Variants in PER2 observed in about 807,000 individuals in gnomAD.
The protein encoded by PER2 is period circadian regulator 2.
PER2 carries 66 observed loss-of-function variants against 121.0 expected under a neutral mutation model. The ratio of observed to expected loss-of-function variants is 0.55; its 90% CI spans 0.45 to 0.67. The LOEUF is 0.67. PER2 is among the 30% of genes least tolerant of loss of function. PER2 has a pLI of 0.00. For synonymous variants in PER2, 684 were observed against 659.9 expected (o/e 1.04, Z -0.56); for missense variants, 1,521 against 1,635.0 (o/e 0.93, Z 1.20).
chr2:238,274,535 T>A (rs181388339), intron 4 of PER2, among the ~76,000 whole-genome samples: 1 of 152,370 alleles, frequency 6.6e-6, no homozygotes, highest in Non-Finnish European at 1.5e-5. Flanking sequence ...AATGTCCATG[T>A]GGCAGAGCTT....
Position 238,252,792 on chromosome 2 carries a change from C to A in PER2, c.3111+120G>T. 6 of 886,746 alleles carry A rather than the reference C, an allele frequency of 6.8e-6. No individual in the cohort carries two copies. Among genetic ancestry groups the A allele is most frequent in the Non-Finnish European group, 9.4e-6 (5 of 529,534 alleles). 54.9% of individuals were successfully genotyped at this position (886,746 alleles called of 1,614,324 possible). On this transcript the variant is annotated intron_variant, in intron 19 of 22. Coordinates refer to ENST00000254657, the MANE Select transcript of PER2 (RefSeq NM_022817.3). The surrounding 1 kb of genome is among the most constrained non-coding windows in gnomAD (Gnocchi z 4.2). ...GCACACACATTCATGGCAAAACCTA[C>A]AGGGTTTGGTGGAAACCTCAATCGT...
chr2:238,258,998 G>A (rs1049739924), intron 14 of PER2, among the ~76,000 whole-genome samples: 11 of 152,148 alleles, frequency 7.2e-5, no homozygotes, highest in African/African-American at 2.7e-4. Flanking sequence ...GCTCCTCCTG[G>A]GCCAGGCCAG....
At chr2:238,289,726 G>C (rs868554932), upstream of PER2, 1 of 152,318 alleles carries the variant, frequency 6.6e-6, no homozygotes, top group African/African-American at 2.4e-5. Context: ...GGTGCAAGCC[G>C]TAGAGACGCA....
chr2:238,281,104 A>G (rs1046612703), intron 1 of PER2, among the ~76,000 whole-genome samples: 29 of 152,002 alleles, frequency 1.9e-4, no homozygotes, highest in African/African-American at 6.8e-4. Context: ...CCTGGGTTCA[A>G]GCAATTCTCC....
chr2:238,261,738 G>T lies in PER2; in HGVS notation c.1407C>A (p.Leu469=), dbSNP rs908339367. 6.4e-6 allele frequency: 10 copies of T among 1,553,386 alleles called. No homozygotes were observed. The highest frequency in any genetic ancestry group is 7.9e-6 in the Non-Finnish European group (9 of 1,145,986). The change falls in exon 12 of 23, where the codon CTC becomes CTA. Residue 469 remains leucine, a synonymous_variant. Transcript: ENST00000254657. Reference sequence around the variant, plus strand: ...CAGGCACCACACCCACCTGCAGCAGGAGCCGGTGGATCTGCTCTGTGAGCT... The same window carrying T: ...CAGGCACCACACCCACCTGCAGCAGTAGCCGGTGGATCTGCTCTGTGAGCT... ...IQELTEQIHR[L]LLQPVPHSGS...
At chr2:238,278,736 C>T (rs140409488) in intron 1 of PER2, among the ~76,000 whole-genome samples, 7 of 152,204 alleles carry the variant, frequency 4.6e-5, no homozygotes, top group South Asian at 2.1e-4. Context: ...CAGGGCTTGC[C>T]GGGTAAAGAG....
intron 1 of PER2, among the ~76,000 whole-genome samples, chr2:238,282,823 C>T (rs536258265): frequency 6.2e-4 from 95 of 152,350 alleles, no homozygotes; most frequent in African/African-American, 2.2e-3. Context: ...AATTGAGGGG[C>T]TGGGAGTGAC....
chr2:238,294,285 G>A (rs370905103), upstream of PER2, among the ~76,000 whole-genome samples: 37 of 152,230 alleles, frequency 2.4e-4, no homozygotes, highest in East Asian at 1.5e-3. Flanking sequence ...GGTTCTGCCA[G>A]CATTCCTGGG....
intron 22 of PER2, 41 bp downstream of exon 22, chr2:238,249,021 C>T (rs374764382): frequency 5.6e-5 from 90 of 1,601,662 alleles, no homozygotes; most frequent in Admixed American, 8.3e-5. Context: ...CATCACAGAG[C>T]CTTTTAGGGC....
At chr2:238,284,533 A>G (rs1696726387) in intron 1 of PER2, among the ~76,000 whole-genome samples, 1 of 152,128 alleles carries the variant, frequency 6.6e-6, no homozygotes, top group Non-Finnish European at 1.5e-5. Context: ...TTGTCATGGC[A>G]GCTGTCTCTG....
chr2:238,255,595 G>A, intron 18 of PER2, 62 bp downstream of exon 18: 2 of 1,531,446 alleles, frequency 1.3e-6, no homozygotes, highest in African/African-American at 1.4e-5. Flanking sequence ...AACCAGCACT[G>A]GACTCAGTAC....
At chr2:238,274,632 G>A (rs1253963293) in intron 4 of PER2, among the ~76,000 whole-genome samples, 1 of 152,234 alleles carries the variant, frequency 6.6e-6, no homozygotes, top group African/African-American at 2.4e-5. Flanking sequence ...CAACTGATCA[G>A]AACGAACTTT....
rs939339364 is a variant in PER2, at chr2:238,245,056, A to G, written c.*1319T>C. 3.3e-5 allele frequency: 5 copies of G among 150,436 alleles called. No homozygotes were observed. Among genetic ancestry groups the G allele is most frequent in the African/African-American group, 1.2e-4 (5 of 41,086 alleles). The allele number at this position is 150,436 out of a possible 1,614,324, so 9.3% of individuals were successfully genotyped here. ...GAAACTCCATCTAAAAAAAAAAAAA[A>G]AAAAAAAAAAAAAAGAAAACCCTGG... On this transcript the variant is annotated 3_prime_UTR_variant, in exon 23 of 23. Coordinates refer to ENST00000254657, the MANE Select transcript of PER2 (RefSeq NM_022817.3).
At chr2:238,294,049 C>G (rs944441577), upstream of PER2, among the ~76,000 whole-genome samples, 3 of 152,182 alleles carry the variant, frequency 2.0e-5, no homozygotes, top group Admixed American at 6.5e-5. Context: ...TGATCCCCCC[C>G]ACACCCAAGG....
At chr2:238,281,460 A>G (rs1696627913) in intron 1 of PER2, among the ~76,000 whole-genome samples, 1 of 152,238 alleles carries the variant, frequency 6.6e-6, no homozygotes, top group South Asian at 2.1e-4. Flanking sequence ...AAAGTCAGGA[A>G]CAAAATAAGC....
intron 1 of PER2, among the ~76,000 whole-genome samples, chr2:238,282,638 G>C (rs752248657): frequency 3.9e-5 from 6 of 152,250 alleles, no homozygotes; most frequent in Non-Finnish European, 8.8e-5. Flanking sequence ...GGCCTGCCCG[G>C]TGCCAGCAGT....
At chr2:238,260,703 G>C in intron 13 of PER2, 125 bp downstream of exon 13, 1 of 1,053,168 alleles carries the variant, frequency 9.5e-7, no homozygotes, top group Admixed American at 1.8e-5. Context: ...AGTTTAGAAA[G>C]GAAGCAGCAA....
intron 2 of PER2, 127 bp from the exon 3 acceptor site, chr2:238,277,320 G>C: frequency 2.6e-6 from 2 of 767,374 alleles, no homozygotes; most frequent in Non-Finnish European, 4.7e-6. Context: ...AAAAATACAA[G>C]GTTAAGATAA....
In PER2 at chr2:238,271,446, G is replaced by A. The variant is rs1474116870; in HGVS notation, c.638C>T (p.Ser213Phe). 1.9e-6 allele frequency: 3 copies of A among 1,614,022 alleles called. No homozygotes were observed. The South Asian group carries it at 3.3e-5, about 18-fold the overall frequency. ...KILYISDQVASIFHCKRDAFS... is the reference protein window; with the variant it reads ...KILYISDQVAFIFHCKRDAFS... Reference sequence around the variant, plus strand: ...GGCATCTCTTTTACAGTGAAATATGGATGCAACCTGGTCAGAGATGTACAG... The same window carrying A: ...GGCATCTCTTTTACAGTGAAATATGAATGCAACCTGGTCAGAGATGTACAG... The change falls in exon 6 of 23, where the codon TCC becomes TTC. Residue 213 changes from serine to phenylalanine, a missense_variant. Transcript: ENST00000254657.
Sources: gnomAD v4.1 joint callset for allele counts (sites outside exome capture counted in the v4.1 genomes callset) on GRCh38, gnomAD v4.1.1 for gene constraint, Gnocchi (gnomAD v3.1) non-coding constraint, MANE v1.5 for transcripts, NCBI Gene and HGNC (gene_info 2026-07-23, HGNC 2026-07-21) for gene names.